The following ADCYAP1R1 variants were observed in gnomAD, a reference collection of about 807,000 sequenced individuals.
The protein encoded by ADCYAP1R1 is ADCYAP receptor type I.
Under a neutral mutation model 67.6 loss-of-function variants are expected in ADCYAP1R1, and 44 were observed. The observed-to-expected ratio is 0.65, with a 90% confidence interval of 0.51 to 0.84. The LOEUF (loss-of-function observed/expected upper bound fraction) is 0.84. ADCYAP1R1 is among the 40% of genes least tolerant of loss of function. The pLI is 0.00. For missense variants in ADCYAP1R1, 477 were observed against 587.9 expected, an observed-to-expected ratio of 0.81 and a Z score of 1.95; for synonymous variants, 222 against 219.6, an observed-to-expected ratio of 1.01 and a Z score of -0.10.
chr7:31,066,412 A>G (rs530078430), intron 3 of ADCYAP1R1, among the ~76,000 whole-genome samples: 5 of 152,216 alleles, frequency 3.3e-5, no homozygotes, highest in African/African-American at 1.2e-4. Context: ...CTCTGGGCTG[A>G]CAGGGCAAGA....
rs1795357892 is a variant in ADCYAP1R1, at chr7:31,078,171, A to T, written c.265+73A>T. ...CCAAATTCGGCCCCAGGCAAGCACC[A>T]AGGACAGGGAGGCCACCCTGTGGGC... On this transcript the variant is annotated intron_variant, in intron 4 of 15. Transcript: ENST00000304166. 3 of 1,282,598 alleles carry T rather than the reference A, an allele frequency of 2.3e-6. No individual in the cohort carries two copies. The African/African-American group carries it at 4.4e-5, about 19-fold the overall frequency. The allele number at this position is 1,282,598 out of a possible 1,614,324, so 79.5% of individuals were successfully genotyped here. A position where few individuals can be genotyped will look rare whatever the true frequency, so the allele number is the denominator to read the frequency against.
At chr7:31,065,494 A>G (rs1468390008) in intron 3 of ADCYAP1R1, among the ~76,000 whole-genome samples, 1 of 152,132 alleles carries the variant, frequency 6.6e-6, no homozygotes, top group African/African-American at 2.4e-5. Flanking sequence ...CAGGACATTG[A>G]GCGTTCTTAG....
In ADCYAP1R1 at chr7:31,110,996, T is replaced by C. The variant is rs925349473; in HGVS notation, c.*4312T>C. ...TTTGTAAAACCACCAGCATCAGGAG[T>C]AAGGGGGAGGCCAGAGGGCTCAGAT... is the stretch of plus-strand genomic sequence containing the variant. On this transcript the variant is annotated 3_prime_UTR_variant, in exon 16 of 16. Transcript: ENST00000304166. The C allele has an allele frequency of 3.4e-4, 51 of 151,806 alleles. No homozygotes were observed. Among genetic ancestry groups the C allele is most frequent in the African/African-American group, 1.2e-3 (48 of 41,286 alleles). The allele number at this position is 151,806 out of a possible 1,614,324, so 9.4% of individuals were successfully genotyped here. A position where few individuals can be genotyped will look rare whatever the true frequency, so the allele number is the denominator to read the frequency against.
intron 4 of ADCYAP1R1, among the ~76,000 whole-genome samples, chr7:31,079,584 T>C (rs1795428034): frequency 6.6e-6 from 1 of 152,238 alleles, no homozygotes; most frequent in Non-Finnish European, 1.5e-5. Flanking sequence ...GCTAATTTGC[T>C]GTCAAACCTC....
Position 31,106,267 on chromosome 7 carries a change from A to G in ADCYAP1R1, c.1219-229A>G, listed in dbSNP as rs530428671. The stretch of plus-strand genomic sequence containing the variant: ...AGGGAGCCATTAGAGGGCCTTGCTC[A>G]GAAAGTGGCAAGGGAAGGGGCTGTT... On this transcript the variant is annotated intron_variant, in intron 15 of 15. Transcript: ENST00000304166. Among the ~76,000 whole-genome samples, 6 of 152,322 alleles carry G rather than the reference A, an allele frequency of 3.9e-5. No individual in the cohort carries two copies. The East Asian group carries it at 7.7e-4, about 20-fold the overall frequency.
chr7:31,103,373 G>C lies in ADCYAP1R1; in HGVS notation c.1176+7G>C, dbSNP rs148643888. 339 of 1,614,184 alleles carry C rather than the reference G, an allele frequency of 2.1e-4. 5 individuals are homozygous for C. In the East Asian group the frequency reaches 7.5e-3, roughly 36 times the overall value. On this transcript the variant is annotated splice_region_variant and intron_variant, in intron 14 of 15. Coordinates refer to ENST00000304166, the MANE Select transcript of ADCYAP1R1 (RefSeq NM_001118.5). Reference sequence around the variant, plus strand: ...GGGGCTGGGCTCCTTCCAGGTAGGTGTGGCACATGGGGAGGACAGAACTCA... The same window carrying C: ...GGGGCTGGGCTCCTTCCAGGTAGGTCTGGCACATGGGGAGGACAGAACTCA...
In ADCYAP1R1 at chr7:31,109,114, C is replaced by T. The variant is rs1796757074; in HGVS notation, c.*2430C>T. 6.6e-6 allele frequency: 1 copy of T among 152,204 alleles called. No homozygotes were observed. Among genetic ancestry groups the T allele is most frequent in the African/African-American group, 2.4e-5 (1 of 41,434 alleles). The allele number at this position is 152,204 out of a possible 1,614,324, so 9.4% of individuals were successfully genotyped here. On this transcript the variant is annotated 3_prime_UTR_variant, in exon 16 of 16. Transcript: ENST00000304166. ...ACAAAACAGTAAAAACAAAATCAAC[C>T]CTGAACCCCATGCACTGTGCTGCTT...
chr7:31,077,415 GA>G (rs1293969594), intron 3 of ADCYAP1R1, among the ~76,000 whole-genome samples: 1 of 58,760 alleles, frequency 1.7e-5, no homozygotes, highest in African/African-American at 6.9e-5. Context: ...GTGTGTGTGT[GA>G]TGTGTGTGTG....
chr7:31,070,462 C>T (rs1474067727), intron 3 of ADCYAP1R1, among the ~76,000 whole-genome samples: 2 of 152,146 alleles, frequency 1.3e-5, no homozygotes, highest in Non-Finnish European at 2.9e-5. Context: ...CAGAGGCCTG[C>T]CCAGGGCACC....
chr7:31,076,973 C>T (rs1317171730), intron 3 of ADCYAP1R1, among the ~76,000 whole-genome samples: 3 of 152,164 alleles, frequency 2.0e-5, no homozygotes, highest in Admixed American at 6.5e-5. Context: ...TCCCCACACA[C>T]CTGTGATGTT....
At chr7:31,053,249 C>G (rs1794100173) in intron 1 of ADCYAP1R1, among the ~76,000 whole-genome samples, 1 of 152,202 alleles carries the variant, frequency 6.6e-6, no homozygotes, top group South Asian at 2.1e-4. Context: ...CGGGATTGTT[C>G]AAAAGAGTGT....
At chr7:31,096,998 C>G (rs949984868) in intron 13 of ADCYAP1R1, among the ~76,000 whole-genome samples, 1 of 152,266 alleles carries the variant, frequency 6.6e-6, no homozygotes, top group African/African-American at 2.4e-5. Flanking sequence ...CTGCACACCA[C>G]AGCTGCGGAA....
intron 1 of ADCYAP1R1, among the ~76,000 whole-genome samples, chr7:31,060,068 C>G: frequency 6.6e-6 from 1 of 151,912 alleles, no homozygotes; most frequent in African/African-American, 2.4e-5. Flanking sequence ...TGGGGACACA[C>G]CTGTCTCCTA....
chr7:31,087,539 G>A (rs1352495055), intron 11 of ADCYAP1R1, 88 bp from the exon 12 acceptor site: 8 of 1,202,400 alleles, frequency 6.7e-6, no homozygotes, highest in Non-Finnish European at 9.9e-6. Context: ...GAAAGTGTCG[G>A]GCACCCAGCT....
intron 1 of ADCYAP1R1, among the ~76,000 whole-genome samples, chr7:31,054,940 C>T (rs1233503441): frequency 6.6e-6 from 1 of 152,206 alleles, no homozygotes; most frequent in Non-Finnish European, 1.5e-5. Context: ...CCTCAGCCTT[C>T]CCTGAGGAGA....
At chr7:31,097,310 A>G (rs1390771842) in intron 13 of ADCYAP1R1, among the ~76,000 whole-genome samples, 2 of 152,236 alleles carry the variant, frequency 1.3e-5, no homozygotes, top group African/African-American at 4.8e-5. Flanking sequence ...CAGTCAGTCT[A>G]GGTTCATCCC....
chr7:31,094,426 G>A lies in ADCYAP1R1; in HGVS notation c.1046+1691G>A, dbSNP rs192992522. Among the ~76,000 whole-genome samples, 39 of 152,112 alleles carry A rather than the reference G, an allele frequency of 2.6e-4. No homozygotes were observed. In the East Asian group the frequency reaches 7.4e-3, roughly 29 times the overall value. On this transcript the variant is annotated intron_variant, in intron 13 of 15. Transcript: ENST00000304166. ...CCTCAGTTTCTCCTGCTTGGGCGTGGATCAGGTCACACACTAATAGTTGTC... is the reference window on the plus strand; with the variant it reads ...CCTCAGTTTCTCCTGCTTGGGCGTGAATCAGGTCACACACTAATAGTTGTC...
At chr7:31,061,223 C>T (rs1794488421) in intron 1 of ADCYAP1R1, among the ~76,000 whole-genome samples, 1 of 152,232 alleles carries the variant, frequency 6.6e-6, no homozygotes, top group South Asian at 2.1e-4. Flanking sequence ...GCAGGATCTG[C>T]CTGCAACACT....
chr7:31,080,774 T>A (rs759296091), intron 5 of ADCYAP1R1, 141 bp downstream of exon 5: 11 of 824,472 alleles, frequency 1.3e-5, no homozygotes, highest in Admixed American at 2.4e-5. Context: ...GGTTCTTTCC[T>A]CCTTCCTTCC....
Sources: gnomAD v4.1 joint callset for allele counts (sites outside exome capture counted in the v4.1 genomes callset) on GRCh38, gnomAD v4.1.1 for gene constraint, MANE v1.5 for transcripts, NCBI Gene and HGNC (gene_info 2026-07-23, HGNC 2026-07-21) for gene names.